ACSM3: variants seen among roughly 807,000 people sequenced by gnomAD.
ACSM3 encodes acyl-CoA synthetase medium chain family member 3, also known as acyl-coenzyme A synthetase ACSM3, mitochondrial.
In ACSM3, 61 loss-of-function variants were observed where a neutral mutation model predicts 74.1. The ratio of observed to expected loss-of-function variants is 0.82; its 90% CI spans 0.67 to 1.02. The LOEUF (loss-of-function observed/expected upper bound fraction) is 1.02. Ranked by LOEUF, ACSM3 falls within the 50% of genes least tolerant of loss-of-function variation. The probability of loss-of-function intolerance (pLI) is 0.00; values close to 1 mark genes in which losing one functional copy is unlikely to be tolerated. For synonymous variants in ACSM3, 213 were observed against 241.5 expected, an observed-to-expected ratio of 0.88 and a Z score of 1.09; for missense variants, 660 against 697.0, an observed-to-expected ratio of 0.95 and a Z score of 0.60.
chr16:20,795,219 C>CT (rs1555488562), intron 12 of ACSM3, among the ~76,000 whole-genome samples: 1 of 152,150 alleles, frequency 6.6e-6, no homozygotes, highest in Non-Finnish European at 1.5e-5. Context: ...CAAAGTCTCA[C>CT]TATGTTGCCC....
At position 20,741,723 on chromosome 16, in the gene ACSM3, T is replaced by C. The variant is rs763561721; in HGVS notation, c.-189-8187T>C. The C allele has an allele frequency of 2.4e-5, 38 of 1,574,520 alleles. No homozygotes were observed. In the African/African-American group the frequency reaches 5.0e-4, roughly 21 times the overall value. ...CCCGCCGCCAGGCTGAGTAGTCTGC[T>C]GGGCAGGGGCCGCCATGGTGTGCGC... On this transcript the variant is annotated intron_variant, in intron 1 of 3. Transcript: ENST00000561584.
In ACSM3 at chr16:20,738,129, C is replaced by T. The variant is rs570335221; in HGVS notation, c.-189-11781C>T. 3.9e-4 allele frequency: 276 copies of T among 714,532 alleles called. 2 individuals are homozygous for T. The highest frequency in any genetic ancestry group is 3.8e-3 in the South Asian group (252 of 66,928). 44.3% of individuals were successfully genotyped at this position (714,532 alleles called of 1,614,324 possible). Reference sequence around the variant, plus strand: ...AACAGTATTTCTTCAGTGCCTAATACGTACTATAATGTATCTAATATATTT... The same window carrying T: ...AACAGTATTTCTTCAGTGCCTAATATGTACTATAATGTATCTAATATATTT... On this transcript the variant is annotated intron_variant, in intron 1 of 3. Coordinates refer to the ACSM3 transcript ENST00000561584.
intron 1 of ACSM3, chr16:20,737,146 C>A (rs774984968): frequency 1.2e-6 from 2 of 1,614,214 alleles, no homozygotes; most frequent in East Asian, 4.5e-5. Flanking sequence ...TTCACCACCT[C>A]CTGGAGATTG....
upstream of ACSM3, chr16:20,763,638 C>G (rs956389191): frequency 6.6e-6 from 1 of 152,148 alleles, no homozygotes; most frequent in African/African-American, 2.4e-5. Context: ...CCTGCCACTT[C>G]GACAGATAAA....
chr16:20,741,479 C>G, intron 1 of ACSM3: 8 of 1,329,506 alleles, frequency 6.0e-6, no homozygotes, highest in East Asian at 3.1e-5. Context: ...GCCTGGCAGC[C>G]GGCCCGCCCG....
chr16:20,759,559 CAA>C (rs35117717), upstream of ACSM3, among the ~76,000 whole-genome samples: 3,396 of 76,052 alleles, frequency 0.045, 143 homozygotes, highest in African/African-American at 0.15. Context: ...GACTCCATCT[CAA>C]AAAAAAAAAA....
intron 1 of ACSM3, chr16:20,741,438 C>T (rs774848303): frequency 4.8e-6 from 7 of 1,454,882 alleles, no homozygotes; most frequent in South Asian, 4.3e-5. Flanking sequence ...ATACCAGCAG[C>T]CATCCCTCCA....
chr16:20,774,911 A>G (rs111973368), intron 2 of ACSM3, among the ~76,000 whole-genome samples: 3 of 152,318 alleles, frequency 2.0e-5, no homozygotes, highest in African/African-American at 7.2e-5. Context: ...GCAGGCACAA[A>G]GCGGCTCTGC....
chr16:20,782,955 G>A (rs2080385583), intron 7 of ACSM3, among the ~76,000 whole-genome samples: 1 of 152,196 alleles, frequency 6.6e-6, no homozygotes, highest in African/African-American at 2.4e-5. Flanking sequence ...GGCACGTGGT[G>A]CTCTCCAAAC....
intron 1 of ACSM3, among the ~76,000 whole-genome samples, chr16:20,684,936 A>C (rs182806408): frequency 4.6e-4 from 70 of 152,150 alleles, no homozygotes; most frequent in Non-Finnish European, 5.7e-4. Flanking sequence ...AGAATAAGAG[A>C]ATTTGTGAGG....
intron 4 of ACSM3, among the ~76,000 whole-genome samples, chr16:20,777,835 C>T (rs1005255929): frequency 6.6e-6 from 1 of 152,138 alleles, no homozygotes; most frequent in Admixed American, 6.5e-5. Flanking sequence ...GGGATTAACA[C>T]CTGTGAGGAA....
At chr16:20,705,435 G>A (rs571722374) in intron 1 of ACSM3, among the ~76,000 whole-genome samples, 1 of 150,520 alleles carries the variant, frequency 6.6e-6, no homozygotes, top group Admixed American at 6.6e-5. Context: ...AAATAAATTA[G>A]GAAAAGTCTA....
chr16:20,701,268 A>G (rs1217822446), intron 1 of ACSM3, among the ~76,000 whole-genome samples: 2 of 152,140 alleles, frequency 1.3e-5, no homozygotes, highest in East Asian at 3.9e-4. Context: ...ATGCTTCTCA[A>G]TACTCTGGAA....
At chr16:20,756,269 A>G (rs2080030910) in intron 3 of ACSM3, among the ~76,000 whole-genome samples, 1 of 151,698 alleles carries the variant, frequency 6.6e-6, no homozygotes. Context: ...AAGTGTTCCT[A>G]TTTCTCCACA....
intron 1 of ACSM3, among the ~76,000 whole-genome samples, chr16:20,732,384 C>G (rs937063001): frequency 6.6e-6 from 1 of 152,092 alleles, no homozygotes; most frequent in Non-Finnish European, 1.5e-5. Context: ...AATTAATGAA[C>G]TTTTGACTTT....
intron 1 of ACSM3, chr16:20,718,254 T>C: frequency 3.6e-6 from 1 of 280,492 alleles, no homozygotes; most frequent in East Asian, 7.2e-5. Context: ...AACTATCTTC[T>C]GGTAACAAGA....
At chr16:20,786,375 C>T (rs2152477588) in intron 9 of ACSM3, 1 of 971,286 alleles carries the variant, frequency 1.0e-6, no homozygotes, top group East Asian at 3.2e-5. Flanking sequence ...CAGTTCTAAG[C>T]ATTTAATAAA....
intron 3 of ACSM3, among the ~76,000 whole-genome samples, chr16:20,756,172 T>C (rs1306920913): frequency 1.3e-5 from 2 of 151,970 alleles, no homozygotes; most frequent in East Asian, 1.9e-4. Flanking sequence ...CTGGGTCAAA[T>C]GGTATTTCTA....
chr16:20,723,415 G>A (rs2079793208), intron 1 of ACSM3, among the ~76,000 whole-genome samples: 1 of 152,132 alleles, frequency 6.6e-6, no homozygotes, highest in Admixed American at 6.5e-5. Context: ...GGGATGGCTG[G>A]GTCAAACAGT....
Sources: gnomAD v4.1 joint callset for allele counts (sites outside exome capture counted in the v4.1 genomes callset) on GRCh38, gnomAD v4.1.1 for gene constraint, MANE v1.5 for transcripts, NCBI Gene and HGNC (gene_info 2026-07-23, HGNC 2026-07-21) for gene names.